WDTC1: variants seen among roughly 807,000 people sequenced by gnomAD.
WDTC1 encodes WD and tetratricopeptide repeats 1.
WDTC1 carries 12 observed loss-of-function variants against 76.0 expected under a neutral mutation model. The observed-to-expected ratio is 0.16, with a 90% CI of 0.10 to 0.26. The LOEUF (loss-of-function observed/expected upper bound fraction) is 0.26. WDTC1 is among the 10% of genes least tolerant of loss of function. WDTC1 has a pLI of 1.00. For synonymous variants in WDTC1, 326 were observed against 350.8 expected (o/e 0.93, Z 0.79); for missense variants, 511 against 908.8 (o/e 0.56, Z 5.63).
intron 1 of WDTC1, among the ~76,000 whole-genome samples, chr1:27,236,901 C>T (rs888288496): frequency 1.7e-4 from 26 of 152,112 alleles, no homozygotes; most frequent in Non-Finnish European, 8.8e-5. Flanking sequence ...TGCAGTGGCG[C>T]GATCTCAGCT....
At chr1:27,247,881 C>T (rs1415364684) in intron 1 of WDTC1, among the ~76,000 whole-genome samples, 6 of 151,944 alleles carry the variant, frequency 3.9e-5, no homozygotes, top group African/African-American at 9.7e-5. Context: ...ACCATGCCTG[C>T]CTAATTTTAT....
chr1:27,285,794 G>A (rs906585877), intron 5 of WDTC1, among the ~76,000 whole-genome samples: 12 of 151,586 alleles, frequency 7.9e-5, no homozygotes, highest in African/African-American at 2.7e-4. Flanking sequence ...CTCCATGTTG[G>A]TAAGGCTGAT....
chr1:27,267,149 T>C (rs1046231878), intron 3 of WDTC1, among the ~76,000 whole-genome samples: 1 of 152,252 alleles, frequency 6.6e-6, no homozygotes, highest in Non-Finnish European at 1.5e-5. Flanking sequence ...ATTCAGACTT[T>C]AGCTAGTCTT....
At chr1:27,297,303 AG>A in intron 11 of WDTC1, 147 bp downstream of exon 11, 1 of 711,174 alleles carries the variant, frequency 1.4e-6, no homozygotes, top group Non-Finnish European at 2.3e-6. Flanking sequence ...GCCTTCTTGG[AG>A]GGTGCCTAGT....
chr1:27,296,946 G>A (rs913841619), intron 10 of WDTC1, 102 bp from the exon 11 acceptor site: 15 of 1,030,890 alleles, frequency 1.5e-5, no homozygotes, highest in Non-Finnish European at 2.2e-5. Context: ...ACAGTCCCAC[G>A]ATGGAACCAT....
At chr1:27,272,862 T>C (rs1209568129) in intron 3 of WDTC1, among the ~76,000 whole-genome samples, 4 of 150,328 alleles carry the variant, frequency 2.7e-5, no homozygotes, top group African/African-American at 7.5e-5. Context: ...TGAGCTATGA[T>C]TGCACCATTA....
At chr1:27,275,098 T>G (rs1314177986) in intron 3 of WDTC1, among the ~76,000 whole-genome samples, 1 of 152,246 alleles carries the variant, frequency 6.6e-6, no homozygotes, top group African/African-American at 2.4e-5. Flanking sequence ...TTCTCTTGCC[T>G]TATTAGTTTT....
At chr1:27,304,916 C>T (rs2013916003) in intron 14 of WDTC1, 85 bp from the exon 15 acceptor site, 4 of 1,386,934 alleles carry the variant, frequency 2.9e-6, no homozygotes, top group South Asian at 2.9e-5. Flanking sequence ...TTCCTTGCTC[C>T]CCCTTTACCT....
At chr1:27,291,648 C>T (rs569571140) in intron 6 of WDTC1, among the ~76,000 whole-genome samples, 5 of 152,158 alleles carry the variant, frequency 3.3e-5, no homozygotes, top group African/African-American at 7.2e-5. Flanking sequence ...TTAGGCTTGC[C>T]TTGGCCCATG....
chr1:27,254,244 T>G (rs1276169723), intron 1 of WDTC1, among the ~76,000 whole-genome samples: 3 of 152,178 alleles, frequency 2.0e-5, no homozygotes, highest in African/African-American at 7.2e-5. Context: ...TGCTCCAAGA[T>G]GAGCTCTCTA....
Position 27,287,861 on chromosome 1 carries a change from G to T in WDTC1, c.479G>T (p.Arg160Leu). The T allele has an allele frequency of 6.2e-7, 1 of 1,611,882 alleles. No homozygotes were observed. The highest frequency in any genetic ancestry group is 1.7e-4 in the Middle Eastern group (1 of 6,060). ...AGTGCTGCTGAGGATGGGCTTATCCGGTAAGAGTCTGGGGCATCTAGTGGA... is the reference window on the plus strand; with the variant it reads ...AGTGCTGCTGAGGATGGGCTTATCCTGTAAGAGTCTGGGGCATCTAGTGGA... ...FWSAAEDGLI[R>L]QYDLRENSKH... The change falls in exon 6 of 16, where the codon CGC becomes CTC. Residue 160 changes from arginine to leucine, a missense_variant and splice_region_variant. Arg to Leu is a moderately radical substitution (Grantham distance 102, BLOSUM62 -2). Transcript: ENST00000319394.
At chr1:27,293,201 G>A (rs1196826897) in intron 7 of WDTC1, among the ~76,000 whole-genome samples, 2 of 151,550 alleles carry the variant, frequency 1.3e-5, no homozygotes, top group African/African-American at 4.8e-5. Context: ...GGGAGGCCGA[G>A]GCAGGCGGAT....
chr1:27,293,941 A>G, intron 7 of WDTC1, 81 bp from the exon 8 acceptor site: 1 of 1,346,904 alleles, frequency 7.4e-7, no homozygotes. Flanking sequence ...TACAAATGTA[A>G]GTTTTCGTCT....
chr1:27,287,901 C>A (rs1445243851), intron 6 of WDTC1, 40 bp downstream of exon 6: 2 of 1,581,308 alleles, frequency 1.3e-6, no homozygotes, highest in South Asian at 2.3e-5. Context: ...GTCGCTCCCC[C>A]ATCCCATCAT....
At chr1:27,273,605 T>C (rs1317667500) in intron 3 of WDTC1, among the ~76,000 whole-genome samples, 3 of 152,274 alleles carry the variant, frequency 2.0e-5, no homozygotes, top group Middle Eastern at 6.8e-3. Context: ...ATGGACATTA[T>C]TGGACAGTTA....
At chr1:27,276,348 T>G (rs1454478463) in intron 3 of WDTC1, among the ~76,000 whole-genome samples, 1 of 152,198 alleles carries the variant, frequency 6.6e-6, no homozygotes, top group African/African-American at 2.4e-5. Flanking sequence ...CCACCAGAAA[T>G]GTGTGAGGGT....
chr1:27,269,910 TTTGTTGTTGTTGTTGTTG>T lies in WDTC1; in HGVS notation c.132+6699_132+6716del, dbSNP rs151248965. On this transcript the variant is annotated intron_variant, in intron 3 of 15. Transcript: ENST00000319394. ...CAGGCATGAGCCACCACGCCCGGCC[TTTGTTGTTGTTGTTGTTG>T]TTGTTGTTGTTGTTGTTGTTGTTTT... 6.1e-5 allele frequency among the ~76,000 whole-genome samples: 9 copies of T among 146,600 alleles called. No individual in the cohort carries two copies. The South Asian group carries it at 1.8e-3, about 29-fold the overall frequency.
At chr1:27,261,887 T>C (rs2012485623) in intron 2 of WDTC1, among the ~76,000 whole-genome samples, 1 of 152,150 alleles carries the variant, frequency 6.6e-6, no homozygotes, top group Admixed American at 6.6e-5. Flanking sequence ...CTTGAGAAAG[T>C]TGTTTGACAA....
intron 1 of WDTC1, among the ~76,000 whole-genome samples, chr1:27,248,988 C>G (rs935738321): frequency 6.6e-6 from 1 of 152,122 alleles, no homozygotes; most frequent in Non-Finnish European, 1.5e-5. Flanking sequence ...CATATCCCGG[C>G]CCAGCTCAGT....
Sources: allele counts gnomAD v4.1 joint callset (sites outside exome capture counted in the v4.1 genomes callset), GRCh38; gene constraint gnomAD v4.1.1; transcripts MANE v1.5; gene names NCBI Gene and HGNC (gene_info 2026-07-23, HGNC 2026-07-21).